Variants in GABRB2 observed in about 807,000 individuals in gnomAD.
The protein encoded by GABRB2 is gamma-aminobutyric acid type A receptor subunit beta2.
GABRB2 carries 16 observed loss-of-function variants against 54.7 expected under a neutral mutation model. That is an observed-to-expected ratio of 0.29 (90% CI 0.20 to 0.44). The LOEUF (loss-of-function observed/expected upper bound fraction) is 0.44, where lower values mean the gene tolerates loss of function less well. GABRB2 is among the 20% of genes least tolerant of loss of function. GABRB2 has a pLI of 1.00. For missense variants in GABRB2, 355 were observed against 644.0 expected, an observed-to-expected ratio of 0.55 and a Z score of 4.86; for synonymous variants, 244 against 233.8, an observed-to-expected ratio of 1.04 and a Z score of -0.40.
At chr5:161,512,069 T>C (rs1759788813) in intron 3 of GABRB2, among the ~76,000 whole-genome samples, 1 of 151,906 alleles carries the variant, frequency 6.6e-6, no homozygotes, top group Admixed American at 6.6e-5. Context: ...CCCTCGAATC[T>C]CCTGTAAGAA....
At chr5:161,523,991 CA>C (rs1221854270) in intron 3 of GABRB2, among the ~76,000 whole-genome samples, 1 of 151,288 alleles carries the variant, frequency 6.6e-6, no homozygotes, top group Non-Finnish European at 1.5e-5. Context: ...GTTATTCTGA[CA>C]TCAATTTCAG....
At chr5:161,335,383 C>T (rs184421846) in intron 6 of GABRB2, among the ~76,000 whole-genome samples, 85 of 152,186 alleles carry the variant, frequency 5.6e-4, no homozygotes, top group African/African-American at 1.8e-3. Flanking sequence ...TAGGTTTTCA[C>T]GTATATGCTT....
intron 7 of GABRB2, among the ~76,000 whole-genome samples, chr5:161,332,126 A>T (rs1173289480): frequency 7.1e-6 from 1 of 140,982 alleles, no homozygotes; most frequent in Non-Finnish European, 1.5e-5. Context: ...AGATTGCGCC[A>T]CTGCACTCCC....
chr5:161,470,439 A>T (rs1758404996), intron 3 of GABRB2, among the ~76,000 whole-genome samples: 1 of 152,014 alleles, frequency 6.6e-6, no homozygotes, highest in African/African-American at 2.4e-5. Flanking sequence ...TAAGGAATTA[A>T]CAACAACAAT....
chr5:161,437,817 A>T lies in GABRB2; in HGVS notation c.458+21807T>A, dbSNP rs569755004. Among the ~76,000 whole-genome samples the T allele has an allele frequency of 3.3e-5, 5 of 152,160 alleles. No homozygotes were observed. In the South Asian group the frequency reaches 1.0e-3, roughly 32 times the overall value. On this transcript the variant is annotated intron_variant, in intron 4 of 9. Transcript: ENST00000393959. ...AAGGGTGAGGCTATCCTGCCATTGGATAAGGGGAGGGAAGGGTAGGAAAGA... is the reference window on the plus strand; with the variant it reads ...AAGGGTGAGGCTATCCTGCCATTGGTTAAGGGGAGGGAAGGGTAGGAAAGA...
intron 5 of GABRB2, among the ~76,000 whole-genome samples, chr5:161,339,772 C>T (rs555895847): frequency 1.3e-5 from 2 of 152,012 alleles, no homozygotes; most frequent in East Asian, 1.9e-4. Flanking sequence ...TTTATCTCAT[C>T]GTTGAGAAAA....
chr5:161,510,417 T>A (rs1490900641), intron 3 of GABRB2, among the ~76,000 whole-genome samples: 1 of 151,994 alleles, frequency 6.6e-6, no homozygotes, highest in African/African-American at 2.4e-5. Context: ...ATCCATGTTG[T>A]TGCAAATGAC....
intron 3 of GABRB2, among the ~76,000 whole-genome samples, chr5:161,540,645 A>G (rs536948321): frequency 6.6e-6 from 1 of 152,168 alleles, no homozygotes; most frequent in African/African-American, 2.4e-5. Flanking sequence ...TACTAATTGT[A>G]CTTCTTAAAT....
At chr5:161,304,696 T>A (rs78245052) in intron 9 of GABRB2, among the ~76,000 whole-genome samples, 1 of 147,958 alleles carries the variant, frequency 6.8e-6, no homozygotes, top group Non-Finnish European at 1.5e-5. Context: ...TTTTTTTTTT[T>A]AAAGAATAAT....
At chr5:161,310,469 C>T (rs1221488857) in intron 9 of GABRB2, among the ~76,000 whole-genome samples, 1 of 152,164 alleles carries the variant, frequency 6.6e-6, no homozygotes, top group Non-Finnish European at 1.5e-5. Context: ...ACCAAGATTT[C>T]TGGCTGGCTT....
intron 4 of GABRB2, among the ~76,000 whole-genome samples, chr5:161,414,833 A>T (rs1357733587): frequency 6.6e-6 from 1 of 152,134 alleles, no homozygotes; most frequent in Non-Finnish European, 1.5e-5. Context: ...TGATGCAATT[A>T]TCTATATTTA....
chr5:161,360,710 GGCT>G (rs1754784165), intron 5 of GABRB2, among the ~76,000 whole-genome samples: 2 of 152,062 alleles, frequency 1.3e-5, no homozygotes, highest in South Asian at 4.2e-4. Flanking sequence ...AATGAATTGA[GGCT>G]GCTAACACCA....
At chr5:161,324,469 T>G (rs1561607804) in intron 9 of GABRB2, among the ~76,000 whole-genome samples, 1 of 152,150 alleles carries the variant, frequency 6.6e-6, no homozygotes, top group East Asian at 1.9e-4. Context: ...TTATCTCACT[T>G]ATTCTTCTCA....
intron 5 of GABRB2, among the ~76,000 whole-genome samples, chr5:161,362,896 G>A (rs952649750): frequency 1.7e-4 from 26 of 152,168 alleles, no homozygotes; most frequent in Admixed American, 1.7e-3. Context: ...TGGAGAGGAC[G>A]TGGAGAAATA....
chr5:161,433,611 A>AAAACAT (rs1554100476), intron 4 of GABRB2, among the ~76,000 whole-genome samples: 1 of 152,034 alleles, frequency 6.6e-6, no homozygotes, highest in Non-Finnish European at 1.5e-5. Flanking sequence ...CCCTGTCTCC[A>AAAACAT]AAAAATAAAA....
chr5:161,300,037 C>T (rs1757491582), intron 9 of GABRB2, among the ~76,000 whole-genome samples: 1 of 152,108 alleles, frequency 6.6e-6, no homozygotes, highest in Admixed American at 6.6e-5. Flanking sequence ...GGCATCATTT[C>T]CCTTTCTTTT....
chr5:161,534,821 C>T (rs1760581590), intron 3 of GABRB2, among the ~76,000 whole-genome samples: 1 of 152,066 alleles, frequency 6.6e-6, no homozygotes, highest in African/African-American at 2.4e-5. Context: ...AAGAAAAATA[C>T]TCAACCACCT....
chr5:161,369,509 A>G (rs1282306505), intron 5 of GABRB2, among the ~76,000 whole-genome samples: 1 of 149,682 alleles, frequency 6.7e-6, no homozygotes, highest in Non-Finnish European at 1.5e-5. Flanking sequence ...GCTTTCTCAG[A>G]GAAAGAGAGA....
At chr5:161,379,204 T>C (rs1755393101) in intron 5 of GABRB2, among the ~76,000 whole-genome samples, 1 of 152,180 alleles carries the variant, frequency 6.6e-6, no homozygotes, top group Non-Finnish European at 1.5e-5. Flanking sequence ...GTTTAAAACA[T>C]AAACTCATTG....
Sources: gnomAD v4.1 joint callset for allele counts (sites outside exome capture counted in the v4.1 genomes callset) on GRCh38, gnomAD v4.1.1 for gene constraint, MANE v1.5 for transcripts, NCBI Gene and HGNC (gene_info 2026-07-23, HGNC 2026-07-21) for gene names.